ACADSB: variants seen among roughly 807,000 people sequenced by gnomAD.
ACADSB encodes short/branched chain specific acyl-CoA dehydrogenase, mitochondrial.
In ACADSB, 40 loss-of-function variants were observed where a neutral mutation model predicts 54.1. That is an observed-to-expected ratio of 0.74 (90% CI 0.57 to 0.96). ACADSB has a LOEUF of 0.96. ACADSB is among the 40% of genes least tolerant of loss of function. The pLI is 0.00. For missense variants in ACADSB, 530 were observed against 510.4 expected, an observed-to-expected ratio of 1.04 and a Z score of -0.37; for synonymous variants, 182 against 182.8, an observed-to-expected ratio of 1.00 and a Z score of 0.03.
At chr10:123,027,458 G>A in intron 1 of ACADSB, 1 of 444,512 alleles carries the variant, frequency 2.2e-6, no homozygotes, top group South Asian at 1.6e-5. Context: ...TTGTGATAAT[G>A]AATAAGTCTC....
chr10:123,032,641 G>A (rs1018772055), intron 1 of ACADSB, among the ~76,000 whole-genome samples: 6 of 145,956 alleles, frequency 4.1e-5, no homozygotes, highest in African/African-American at 7.7e-5. Context: ...CCAGGCTGGA[G>A]TGCAGTCATG....
chr10:123,021,945 G>T (rs1471938651), intron 1 of ACADSB, among the ~76,000 whole-genome samples: 1 of 152,074 alleles, frequency 6.6e-6, no homozygotes, highest in Non-Finnish European at 1.5e-5. Flanking sequence ...TCTCATGTGT[G>T]CATTAAGAGT....
At chr10:123,044,101 A>G (rs887253357) in intron 6 of ACADSB, among the ~76,000 whole-genome samples, 6 of 151,928 alleles carry the variant, frequency 3.9e-5, no homozygotes, top group Admixed American at 6.6e-5. Flanking sequence ...ATTGGGGGGG[A>G]AAAGTATTAA....
At chr10:123,009,145 T>C (rs1467695047) in intron 1 of ACADSB, 74 bp downstream of exon 1, 28 of 1,479,112 alleles carry the variant, frequency 1.9e-5, no homozygotes, top group African/African-American at 2.8e-5. Flanking sequence ...TGGCAGAGCC[T>C]TCTAACGGGC....
chr10:123,026,957 T>C (rs1460921935), intron 1 of ACADSB, among the ~76,000 whole-genome samples: 1 of 152,164 alleles, frequency 6.6e-6, no homozygotes, highest in Non-Finnish European at 1.5e-5. Context: ...GCCTTGTTTG[T>C]ATGTTACCTA....
At position 123,053,806 on chromosome 10, in the gene ACADSB, A is replaced by G. The variant is rs1345610383; in HGVS notation, c.*41A>G. ...GACCCCTCCCTGGTGTCACTGCTGT[A>G]AAATTTTAAACGGTTGTGTCTTGTT... On this transcript the variant is annotated 3_prime_UTR_variant, in exon 11 of 11. Transcript: ENST00000358776. 1 of 1,557,948 alleles carries G rather than the reference A, an allele frequency of 6.4e-7. No individual in the cohort carries two copies. The highest frequency in any genetic ancestry group is 8.9e-7 in the Non-Finnish European group (1 of 1,129,110).
chr10:123,009,069 C>T lies in ACADSB; in HGVS notation c.40C>T (p.Leu14=). The T allele has an allele frequency of 1.3e-6, 2 of 1,546,346 alleles. No homozygotes were observed. Among genetic ancestry groups the T allele is most frequent in the South Asian group, 1.2e-5 (1 of 84,034 alleles). The change falls in exon 1 of 11, where the codon CTG becomes TTG. Residue 14 remains leucine (L), a splice_region_variant and synonymous_variant. Transcript: ENST00000358776. ...AGTGCGGTTGCTGCGCGGCAGCAGG[C>T]TGGTGAGTGCGTTCGAGGCTGGCGT... ...LAVRLLRGSR[L]LRRNFLTCLS...
intron 7 of ACADSB, 116 bp downstream of exon 7, chr10:123,044,601 T>C: frequency 1.2e-6 from 1 of 801,582 alleles, no homozygotes; most frequent in Non-Finnish European, 2.1e-6. Flanking sequence ...CACCGTTCCC[T>C]TACATGAGGG....
At position 123,056,976 on chromosome 10, in the gene ACADSB, G is replaced by A. The variant is rs1200796532; in HGVS notation, c.*3211G>A. The A allele has an allele frequency of 6.6e-6, 1 of 152,626 alleles. No homozygotes were observed. Among genetic ancestry groups the A allele is most frequent in the Non-Finnish European group, 1.5e-5 (1 of 68,042 alleles). 9.5% of individuals were successfully genotyped at this position (152,626 alleles called of 1,614,324 possible). On this transcript the variant is annotated 3_prime_UTR_variant, in exon 11 of 11. Coordinates refer to ENST00000358776, the MANE Select transcript of ACADSB (RefSeq NM_001609.4). ...AGCTTACTTGACTTTCAAATGGAGA[G>A]ATGATGAAAACCCACTCATTCACTC...
chr10:123,044,745 A>G (rs755578581), intron 7 of ACADSB, among the ~76,000 whole-genome samples: 1 of 152,164 alleles, frequency 6.6e-6, no homozygotes, highest in African/African-American at 2.4e-5. Flanking sequence ...ACCTGAACCG[A>G]TAGCTTTTCA....
chr10:123,028,370 C>A (rs906004417), intron 1 of ACADSB, among the ~76,000 whole-genome samples: 1 of 152,174 alleles, frequency 6.6e-6, no homozygotes, highest in Non-Finnish European at 1.5e-5. Flanking sequence ...TACTTTGAAT[C>A]CCTTTGAAAA....
At chr10:123,033,939 G>A (rs898008068) in intron 1 of ACADSB, among the ~76,000 whole-genome samples, 3 of 152,126 alleles carry the variant, frequency 2.0e-5, no homozygotes, top group African/African-American at 7.2e-5. Context: ...CCAGCTCCCT[G>A]GGCCCACTCA....
At chr10:123,050,873 TA>T (rs1223121667) in intron 8 of ACADSB, among the ~76,000 whole-genome samples, 175 bp from the exon 9 acceptor site, 14 of 152,214 alleles carry the variant, frequency 9.2e-5, no homozygotes, top group African/African-American at 3.4e-4. Flanking sequence ...ACAATACTTA[TA>T]GTGTCACATT....
At position 123,044,511 on chromosome 10, in the gene ACADSB, G is replaced by A. The variant is rs770371188; in HGVS notation, c.900+26G>A. ...GTAAGTCAGATTTAAACTCTTCCAT[G>A]ATGTGAGTCAATTAAACTGTGAAAA... On this transcript the variant is annotated intron_variant, in intron 7 of 10. Transcript: ENST00000358776. The A allele has an allele frequency of 1.9e-6, 3 of 1,560,280 alleles. No homozygotes were observed. The Admixed American group carries it at 5.0e-5, about 26-fold the overall frequency.
intron 1 of ACADSB, among the ~76,000 whole-genome samples, chr10:123,028,357 G>A (rs1021724702): frequency 2.0e-5 from 3 of 152,160 alleles, no homozygotes; most frequent in Non-Finnish European, 4.4e-5. Flanking sequence ...TTAAAAGCAA[G>A]CCTACTTTGA....
chr10:123,020,260 C>T (rs1017869423), intron 1 of ACADSB, among the ~76,000 whole-genome samples: 1 of 152,064 alleles, frequency 6.6e-6, no homozygotes, highest in African/African-American at 2.4e-5. Context: ...ATGATATTTG[C>T]CTATTCATCT....
intron 2 of ACADSB, among the ~76,000 whole-genome samples, chr10:123,036,796 A>G (rs1004590242): frequency 6.6e-6 from 1 of 152,166 alleles, no homozygotes; most frequent in Non-Finnish European, 1.5e-5. Context: ...CTTGAGCTGT[A>G]CCATGAAGGA....
At chr10:123,012,963 C>G (rs1393827803) in intron 1 of ACADSB, among the ~76,000 whole-genome samples, 1 of 151,822 alleles carries the variant, frequency 6.6e-6, no homozygotes, top group Non-Finnish European at 1.5e-5. Context: ...CAAAAGTTCT[C>G]CACCTCCCCA....
intron 1 of ACADSB, among the ~76,000 whole-genome samples, chr10:123,029,375 A>G (rs1210556119): frequency 6.6e-6 from 1 of 152,028 alleles, no homozygotes; most frequent in African/African-American, 2.4e-5. Flanking sequence ...AAAAAAAAGA[A>G]AGAAAACAAT....
Sources: allele counts gnomAD v4.1 joint callset (sites outside exome capture counted in the v4.1 genomes callset), GRCh38; gene constraint gnomAD v4.1.1; transcripts MANE v1.5; gene names NCBI Gene and HGNC (gene_info 2026-07-23, HGNC 2026-07-21).